CNOT1: variants seen among roughly 807,000 people sequenced by gnomAD.
CNOT1 encodes CCR4-associated factor 1.
In CNOT1, 15 loss-of-function variants were observed where a neutral mutation model predicts 273.8. That is an observed-to-expected ratio of 0.05 (90% CI 0.04 to 0.08). CNOT1 has a LOEUF of 0.08. CNOT1 is among the 10% of genes least tolerant of loss of function. CNOT1 has a pLI of 1.00. For synonymous variants in CNOT1, 1,022 were observed against 1,005.5 expected, an observed-to-expected ratio of 1.02 and a Z score of -0.31; for missense variants, 1,644 against 2,912.2, an observed-to-expected ratio of 0.56 and a Z score of 10.02.
chr16:58,553,815 A>G lies in CNOT1; in HGVS notation c.2937T>C (p.Ser979=), dbSNP rs988412376. 3 of 1,611,824 alleles carry G rather than the reference A, an allele frequency of 1.9e-6. No homozygotes were observed. Among genetic ancestry groups the G allele is most frequent in the Non-Finnish European group, 2.5e-6 (3 of 1,179,444 alleles). ...AATGATGTGGAAATTGCATAAAGTG[A>G]CTGATAGAAGCCAAATGCTGACAAT... ...PQYCQHLASI[S]HFMQFPHHLQ... The change falls in exon 22 of 49, where the codon AGT becomes AGC. Residue 979 remains serine (S), a synonymous_variant. Transcript: ENST00000317147.
At chr16:58,573,563 C>T (rs191194643) in intron 16 of CNOT1, among the ~76,000 whole-genome samples, 1 of 148,010 alleles carries the variant, frequency 6.8e-6, no homozygotes, top group East Asian at 2.1e-4. Context: ...TCACTACAAG[C>T]TCTGCCTCCT....
At chr16:58,531,122 A>G (rs1048605171) in intron 42 of CNOT1, among the ~76,000 whole-genome samples, 11 of 152,326 alleles carry the variant, frequency 7.2e-5, no homozygotes, top group African/African-American at 2.6e-4. Context: ...AGCCAATGTC[A>G]GCCTGCTCAC....
chr16:58,625,251 G>A (rs2043514264), intron 1 of CNOT1, among the ~76,000 whole-genome samples: 2 of 152,032 alleles, frequency 1.3e-5, no homozygotes, highest in Non-Finnish European at 1.5e-5. Flanking sequence ...AGTGGCTCAC[G>A]CCTGTAATCA....
At chr16:58,597,272 G>A (rs1045130845) in intron 2 of CNOT1, among the ~76,000 whole-genome samples, 1 of 151,696 alleles carries the variant, frequency 6.6e-6, no homozygotes, top group African/African-American at 2.4e-5. Context: ...TCAGGAGTTC[G>A]AGACCAGCGT....
chr16:58,531,967 T>C lies in CNOT1; in HGVS notation c.6168A>G (p.Pro2056=), dbSNP rs779159730. 1.2e-5 allele frequency: 20 copies of C among 1,614,062 alleles called. No individual in the cohort carries two copies. The highest frequency in any genetic ancestry group is 1.1e-5 in the Non-Finnish European group (13 of 1,180,042). ...TAAACTGCAGCCACACCTTCTGCTG[T>C]GGCGTATGTGCCAGCATTCTTGCAA... ...IFIARMLAHT[P]QQKGWPMYAQ... The change falls in exon 42 of 49, where the codon CCA becomes CCG. Residue 2056 remains proline, a synonymous_variant. Coordinates refer to ENST00000317147, the MANE Select transcript of CNOT1 (RefSeq NM_016284.5).
chr16:58,574,423 C>T (rs1392494813), intron 16 of CNOT1, among the ~76,000 whole-genome samples, 186 bp downstream of exon 16: 2 of 150,272 alleles, frequency 1.3e-5, no homozygotes, highest in African/African-American at 4.9e-5. Context: ...CTCTACCTCA[C>T]ACCAGATACA....
At position 58,576,487 on chromosome 16, in the gene CNOT1, T is replaced by A; in HGVS notation, c.1680A>T (p.Ile560=). ...EQYDQAKLSR[I]LDVAQDLKAL... is the part of the protein sequence containing the mutation. ...CCTTCAAGTCCTGGGCCACATCAAGTATTCGAGACAATTTGGCCTGATCAT... is the reference window on the plus strand; with the variant it reads ...CCTTCAAGTCCTGGGCCACATCAAGAATTCGAGACAATTTGGCCTGATCAT... The change falls in exon 14 of 49, where the codon ATA becomes ATT. Residue 560 remains isoleucine (I), a synonymous_variant. Transcript: ENST00000317147. 1 of 1,614,116 alleles carries A rather than the reference T, an allele frequency of 6.2e-7. No individual in the cohort carries two copies. Among genetic ancestry groups the A allele is most frequent in the East Asian group, 2.2e-5 (1 of 44,876 alleles).
chr16:58,530,346 C>T lies in CNOT1; in HGVS notation c.6179G>A (p.Gly2060Glu). Residue 2060 changes from glycine (G) to glutamate (E), a missense_variant and splice_region_variant, in exon 43 of 49, where the codon GGG (glycine) becomes GAG (glutamate). Physicochemically the swap from Gly to Glu is moderately conservative, Grantham distance 98. Around this residue, in one of 13 missense-constraint regions of CNOT1, gnomAD observed 7 missense variants for 35.6 expected, o/e 0.20. Transcript: ENST00000317147. Reference protein sequence around the residue: ...RMLAHTPQQKGWPMYAQLLID... With the variant: ...RMLAHTPQQKEWPMYAQLLID... ...CAGTAGCTGTGCATACATAGGCCAC[C>T]CCTGAAAGAAAGAAATGTACATGAG... The T allele has an allele frequency of 1.2e-6, 2 of 1,603,416 alleles. No homozygotes were observed. The highest frequency in any genetic ancestry group is 1.7e-6 in the Non-Finnish European group (2 of 1,174,086).
intron 1 of CNOT1, among the ~76,000 whole-genome samples, chr16:58,615,641 GT>G (rs2043046837): frequency 7.9e-6 from 1 of 125,988 alleles, no homozygotes; most frequent in Admixed American, 7.8e-5. Flanking sequence ...TCTTGGATTT[GT>G]TTTAGGCCTG....
chr16:58,603,406 A>G (rs1408788390), intron 1 of CNOT1, among the ~76,000 whole-genome samples: 1 of 86,072 alleles, frequency 1.2e-5, no homozygotes, highest in Non-Finnish European at 2.8e-5. Flanking sequence ...CTACAATTTA[A>G]AAGTGTGTGT....
In CNOT1 at chr16:58,580,542, C is replaced by G; in HGVS notation, c.1343+91G>C. 2.0e-6 allele frequency: 3 copies of G among 1,484,480 alleles called. No homozygotes were observed. The South Asian group carries it at 4.3e-5, about 21-fold the overall frequency. 92.0% of individuals were successfully genotyped at this position (1,484,480 alleles called of 1,614,324 possible). ...CACTAAAACTACTGCTTCATTTAAACCTGTTAACTATGTACTTGGCTTACT... is the reference window on the plus strand; with the variant it reads ...CACTAAAACTACTGCTTCATTTAAAGCTGTTAACTATGTACTTGGCTTACT... On this transcript the variant is annotated intron_variant, in intron 12 of 48. Transcript: ENST00000317147.
At chr16:58,589,560 GAGA>G (rs1388876018) in intron 2 of CNOT1, among the ~76,000 whole-genome samples, 3 of 152,130 alleles carry the variant, frequency 2.0e-5, no homozygotes, top group Non-Finnish European at 4.4e-5. Flanking sequence ...CTGGCAGGAA[GAGA>G]AGAAAAACTA....
chr16:58,555,096 T>C (rs1165016211), intron 21 of CNOT1, among the ~76,000 whole-genome samples, 155 bp downstream of exon 21: 1 of 152,044 alleles, frequency 6.6e-6, no homozygotes, highest in East Asian at 1.9e-4. Context: ...TGGTCCCAGC[T>C]ACTCAGGAGG....
chr16:58,557,518 G>T (rs2040671871), intron 18 of CNOT1, among the ~76,000 whole-genome samples: 1 of 152,112 alleles, frequency 6.6e-6, no homozygotes. Flanking sequence ...ACGCTAACTA[G>T]ATTAGAGTCA....
intron 43 of CNOT1, among the ~76,000 whole-genome samples, 168 bp from the exon 44 acceptor site, chr16:58,528,816 A>AT (rs1405518485): frequency 6.6e-6 from 1 of 151,960 alleles, no homozygotes; most frequent in Non-Finnish European, 1.5e-5. Context: ...GATTTATCAA[A>AT]TATTTCCATT....
chr16:58,549,654 C>T, intron 25 of CNOT1, 65 bp downstream of exon 25: 1 of 1,526,516 alleles, frequency 6.6e-7, no homozygotes, highest in South Asian at 1.3e-5. Context: ...AAAATCCTAC[C>T]TATATAATCA....
At chr16:58,604,651 G>C (rs1048385113) in intron 1 of CNOT1, among the ~76,000 whole-genome samples, 1 of 147,904 alleles carries the variant, frequency 6.8e-6, no homozygotes, top group Non-Finnish European at 1.5e-5. Flanking sequence ...TACAAAATTA[G>C]CCGGGCGTGG....
At chr16:58,609,276 G>A (rs745743066) in intron 1 of CNOT1, among the ~76,000 whole-genome samples, 3 of 152,004 alleles carry the variant, frequency 2.0e-5, no homozygotes, top group Non-Finnish European at 2.9e-5. Context: ...GGAGGCTGAG[G>A]CAGGAGAATC....
chr16:58,540,187 A>G, intron 34 of CNOT1: 1 of 410,640 alleles, frequency 2.4e-6, no homozygotes, highest in Non-Finnish European at 4.3e-6. Flanking sequence ...CATTTGAGAG[A>G]GGAAAACCTG....
Sources: allele counts gnomAD v4.1 joint callset (sites outside exome capture counted in the v4.1 genomes callset), GRCh38; gene constraint gnomAD v4.1.1; regional missense constraint gnomAD v4.1.1; transcripts MANE v1.5; gene names NCBI Gene and HGNC (gene_info 2026-07-23, HGNC 2026-07-21).